ADNP2: variants seen among roughly 807,000 people sequenced by gnomAD.
ADNP2 encodes the protein activity-dependent neuroprotector homeobox protein 2.
In ADNP2, 8 loss-of-function variants were observed where a neutral mutation model predicts 16.4. The ratio of observed to expected loss-of-function variants is 0.49; its 90% CI spans 0.29 to 0.88. The LOEUF is 0.88. Ranked by LOEUF, ADNP2 falls within the 40% of genes least tolerant of loss-of-function variation. The pLI is 0.09. For missense variants in ADNP2, 1,397 were observed against 1,395.1 expected (o/e 1.00, Z -0.02); for synonymous variants, 637 against 545.8 (o/e 1.17, Z -2.33).
chr18:80,122,529 G>T (rs193057383), intron 2 of ADNP2, among the ~76,000 whole-genome samples: 1 of 152,160 alleles, frequency 6.6e-6, no homozygotes, highest in Non-Finnish European at 1.5e-5. Flanking sequence ...TAGTTTCATT[G>T]TGTAAGGCTT....
At chr18:80,121,021 A>G (rs1176457843) in intron 2 of ADNP2, among the ~76,000 whole-genome samples, 1 of 152,208 alleles carries the variant, frequency 6.6e-6, no homozygotes, top group Non-Finnish European at 1.5e-5. Flanking sequence ...TTTGGGTCAT[A>G]TAGTTATTCT....
intron 2 of ADNP2, among the ~76,000 whole-genome samples, chr18:80,122,660 G>A (rs1057276272): frequency 1.3e-5 from 2 of 152,198 alleles, no homozygotes; most frequent in African/African-American, 4.8e-5. Flanking sequence ...TGATTTTTGT[G>A]TATTGATCTT....
chr18:80,112,374 C>G (rs565588478), intron 1 of ADNP2, among the ~76,000 whole-genome samples: 14 of 151,550 alleles, frequency 9.2e-5, no homozygotes, highest in Non-Finnish European at 1.8e-4. Flanking sequence ...CTGTAATTTA[C>G]TTGCATTTTA....
rs2052398132 is a variant in ADNP2 at position 80,117,655 on chromosome 18, G to A, written c.108+5G>A. 1.3e-6 allele frequency: 2 copies of A among 1,594,666 alleles called. No individual in the cohort carries two copies. Among genetic ancestry groups the A allele is most frequent in the Admixed American group, 3.6e-5 (2 of 55,168 alleles). The stretch of plus-strand genomic sequence containing the variant: ...AGCTGCAAGGAGTTACTGAAGGTAA[G>A]AGGACGTAAGTAGCCAACTGGAATC... On this transcript the variant is annotated splice_donor_5th_base_variant and intron_variant, in intron 2 of 3. Transcript: ENST00000262198.
At chr18:80,131,874 A>G (rs1380679582) in intron 2 of ADNP2, among the ~76,000 whole-genome samples, 1 of 152,138 alleles carries the variant, frequency 6.6e-6, no homozygotes, top group Non-Finnish European at 1.5e-5. Context: ...GGGGAGGGAT[A>G]GCATTAGGAG....
intron 2 of ADNP2, among the ~76,000 whole-genome samples, chr18:80,126,461 C>T (rs2052459549): frequency 6.6e-6 from 1 of 152,092 alleles, no homozygotes. Context: ...TGCTGATGTG[C>T]TTAATTAACT....
At position 80,136,001 on chromosome 18, in the gene ADNP2, G is replaced by C. The variant is rs754193664; in HGVS notation, c.588G>C (p.Glu196Asp). 2 of 1,614,214 alleles carry C rather than the reference G, an allele frequency of 1.2e-6. No individual in the cohort carries two copies. The highest frequency in any genetic ancestry group is 1.7e-5 in the Admixed American group (1 of 60,030). ...GCCTAAGAACTGAGGAAATGGGTGA[G>C]CAACCGAAAACTAACGATACTGTTT... Reference protein sequence around the residue: ...YFGLRTEEMGEQPKTNDTVSI... With the variant: ...YFGLRTEEMGDQPKTNDTVSI... Residue 196 changes from glutamate (E) to aspartate (D), a missense_variant, in exon 4 of 4, where the codon GAG (glutamate) becomes GAC (aspartate). Physicochemically the swap from Glu to Asp is conservative, Grantham distance 45. Transcript: ENST00000262198.
At chr18:80,131,943 G>C (rs7239975) in intron 2 of ADNP2, among the ~76,000 whole-genome samples, 38,671 of 152,108 alleles carry the variant, frequency 0.25, 6,393 homozygotes, top group Non-Finnish European at 0.38. Context: ...ACATGCACAT[G>C]TATGTTTATT....
intron 2 of ADNP2, among the ~76,000 whole-genome samples, chr18:80,120,787 TG>T (rs1213792306): frequency 6.6e-6 from 1 of 152,186 alleles, no homozygotes; most frequent in Non-Finnish European, 1.5e-5. Flanking sequence ...CATGAGTAGC[TG>T]GGATTACAGG....
At chr18:80,121,919 A>C (rs1026358409) in intron 2 of ADNP2, among the ~76,000 whole-genome samples, 4 of 150,456 alleles carry the variant, frequency 2.7e-5, no homozygotes, top group Non-Finnish European at 5.9e-5. Context: ...ACAATCCTAT[A>C]CTGGTTTTTT....
intron 1 of ADNP2, 187 bp downstream of exon 1, chr18:80,109,659 G>A (rs1415536417): frequency 6.7e-6 from 1 of 149,646 alleles, no homozygotes; most frequent in East Asian, 2.0e-4. Context: ...CAGGGCGCGG[G>A]TTCGCGGCCC....
rs2052550759 is a variant in ADNP2 at position 80,137,657 on chromosome 18, A to T, written c.2244A>T (p.Arg748=). 1 of 1,614,216 alleles carries T rather than the reference A, an allele frequency of 6.2e-7. No homozygotes were observed. The highest frequency in any genetic ancestry group is 2.2e-5 in the East Asian group (1 of 44,884). ...FLKWMREKTV[R]CLSCKCLVSE... is the part of the protein sequence containing the mutation. ...AGTGGATGAGAGAGAAAACGGTGCGATGTCTGTCTTGTAAGTGCTTGGTCT... is the reference window on the plus strand; with the variant it reads ...AGTGGATGAGAGAGAAAACGGTGCGTTGTCTGTCTTGTAAGTGCTTGGTCT... The change falls in exon 4 of 4, where the codon CGA becomes CGT. Residue 748 remains arginine (R), a synonymous_variant. Coordinates refer to ENST00000262198, the MANE Select transcript of ADNP2 (RefSeq NM_014913.4). The surrounding 1 kb of genome is among the most constrained non-coding windows in gnomAD (Gnocchi z 4.2).
At chr18:80,113,302 G>A (rs2052369054) in intron 1 of ADNP2, among the ~76,000 whole-genome samples, 1 of 152,074 alleles carries the variant, frequency 6.6e-6, no homozygotes, top group Admixed American at 6.6e-5. Context: ...TTTTCACATA[G>A]ATAACTTTGA....
chr18:80,116,463 T>C (rs2052389953), intron 1 of ADNP2, among the ~76,000 whole-genome samples: 1 of 152,190 alleles, frequency 6.6e-6, no homozygotes, highest in Non-Finnish European at 1.5e-5. Flanking sequence ...CAGGCACACA[T>C]GAAGACTGGC....
intron 2 of ADNP2, among the ~76,000 whole-genome samples, chr18:80,119,469 A>G (rs1457463468): frequency 2.0e-5 from 3 of 152,036 alleles, no homozygotes; most frequent in African/African-American, 2.4e-5. Flanking sequence ...TGTAGAGAGA[A>G]AGAACCAAGG....
intron 2 of ADNP2, 68 bp downstream of exon 2, chr18:80,117,718 G>A: frequency 8.3e-7 from 1 of 1,199,782 alleles, no homozygotes; most frequent in Non-Finnish European, 1.2e-6. Flanking sequence ...TGAAGAGTGG[G>A]TAAGATTCCT....
chr18:80,133,031 A>T (rs1400817788), intron 2 of ADNP2, 72 bp from the exon 3 acceptor site: 1 of 1,110,586 alleles, frequency 9.0e-7, no homozygotes, highest in Non-Finnish European at 1.3e-6. Context: ...TTATAATCTC[A>T]TCAGGTTCTA....
At chr18:80,121,960 C>T (rs892599732) in intron 2 of ADNP2, among the ~76,000 whole-genome samples, 3 of 151,932 alleles carry the variant, frequency 2.0e-5, no homozygotes, top group African/African-American at 4.8e-5. Flanking sequence ...TCTGTCACCC[C>T]GGTTGGAGTG....
rs754760958 is a variant in ADNP2, at chr18:80,138,258, C to T, written c.2845C>T (p.Leu949=). The T allele has an allele frequency of 6.2e-7, 1 of 1,614,168 alleles. No homozygotes were observed. Among genetic ancestry groups the T allele is most frequent in the Non-Finnish European group, 8.5e-7 (1 of 1,180,042 alleles). Residue 949 remains leucine, a synonymous_variant, in exon 4 of 4, where the codon CTG becomes TTG. Coordinates refer to ENST00000262198, the MANE Select transcript of ADNP2 (RefSeq NM_014913.4). Reference sequence around the variant, plus strand: ...TGCTCCCAAGGACAGCAGCTCAGACCTGCAGGCCCAGCCGGGTTTTATTCA... The same window carrying T: ...TGCTCCCAAGGACAGCAGCTCAGACTTGCAGGCCCAGCCGGGTTTTATTCA... ...RSAPKDSSSD[L]QAQPGFIHNS...
Sources: allele counts gnomAD v4.1 joint callset (sites outside exome capture counted in the v4.1 genomes callset), GRCh38; gene constraint gnomAD v4.1.1; non-coding constraint Gnocchi (gnomAD v3.1); transcripts MANE v1.5; gene names NCBI Gene and HGNC (gene_info 2026-07-23, HGNC 2026-07-21).